The following OR9Q1 variants were observed in gnomAD, a reference collection of about 807,000 sequenced individuals.
OR9Q1 encodes the protein olfactory receptor family 9 subfamily Q member 1, also known as olfactory receptor 9Q1.
For synonymous variants in OR9Q1, 153 were observed against 148.6 expected (o/e 1.03, Z -0.22); for missense variants, 374 against 378.8 (o/e 0.99, Z 0.11).
At chr11:58,098,139 G>A (rs1285253544) in intron 2 of OR9Q1, among the ~76,000 whole-genome samples, 1 of 152,138 alleles carries the variant, frequency 6.6e-6, no homozygotes, top group Admixed American at 6.5e-5. Context: ...GAAGAAATAT[G>A]TATAGAACTG....
chr11:58,176,520 C>T (rs898318426), intron 2 of OR9Q1, among the ~76,000 whole-genome samples: 3 of 152,170 alleles, frequency 2.0e-5, no homozygotes, highest in Non-Finnish European at 4.4e-5. Context: ...AGAGGCTGTT[C>T]CCCAATCTCT....
chr11:58,085,601 T>A (rs1853626774), intron 2 of OR9Q1, among the ~76,000 whole-genome samples: 2 of 151,828 alleles, frequency 1.3e-5, no homozygotes, highest in South Asian at 4.1e-4. Context: ...ATTCTATGCT[T>A]CTATAAATTT....
At chr11:58,054,535 T>C (rs909574065) in intron 1 of OR9Q1, among the ~76,000 whole-genome samples, 2 of 152,258 alleles carry the variant, frequency 1.3e-5, no homozygotes, top group Non-Finnish European at 2.9e-5. Flanking sequence ...ACACATTTTG[T>C]ACATTTCTGT....
intron 2 of OR9Q1, among the ~76,000 whole-genome samples, chr11:58,070,625 A>G (rs1475785120): frequency 6.6e-6 from 1 of 152,230 alleles, no homozygotes; most frequent in Non-Finnish European, 1.5e-5. Flanking sequence ...CTTCAATGGC[A>G]TAAATTCTGT....
At chr11:58,169,127 T>A (rs556151744) in intron 2 of OR9Q1, among the ~76,000 whole-genome samples, 1 of 152,366 alleles carries the variant, frequency 6.6e-6, no homozygotes, top group Non-Finnish European at 1.5e-5. Flanking sequence ...GACATTTTTC[T>A]TTCCTCTGGC....
intron 2 of OR9Q1, among the ~76,000 whole-genome samples, chr11:58,089,912 A>G (rs937902801): frequency 2.6e-5 from 4 of 151,808 alleles, no homozygotes; most frequent in African/African-American, 9.7e-5. Context: ...CTTTGTTGCA[A>G]TTGTGAATGG....
chr11:58,087,353 C>T (rs986945730), intron 2 of OR9Q1, among the ~76,000 whole-genome samples: 2 of 151,570 alleles, frequency 1.3e-5, no homozygotes, highest in African/African-American at 2.4e-5. Flanking sequence ...TGCTTTTTTT[C>T]CTTTATATAC....
Position 58,042,764 on chromosome 11 carries a change from C to T in OR9Q1, c.-92-13106C>T, listed in dbSNP as rs573146770. On this transcript the variant is annotated intron_variant, in intron 1 of 2. Coordinates refer to ENST00000335397, the MANE Select transcript of OR9Q1 (RefSeq NM_001005212.4). Reference sequence around the variant, plus strand: ...TATGGCCATTTTCACGATATTGATTCTTCCTACCCATTAGCATGGAATGTT... The same window carrying T: ...TATGGCCATTTTCACGATATTGATTTTTCCTACCCATTAGCATGGAATGTT... Among the ~76,000 whole-genome samples, 160 of 152,312 alleles carry T rather than the reference C, an allele frequency of 1.1e-3. 2 individuals are homozygous for T. The highest frequency in any genetic ancestry group is 3.3e-3 in the African/African-American group (137 of 41,560).
At position 58,053,629 on chromosome 11, in the gene OR9Q1, A is replaced by ATTATATATATATTATATATATATAAATT. The variant is rs1314383139; in HGVS notation, c.-92-2241_-92-2240insTTATATATATATTATATATATATAAATT. ...AATTAAAAAATATATATATATATAA[A>ATTATATATATATTATATATATATAAATT]ATATATATATATATAAATTATATAT... On this transcript the variant is annotated intron_variant, in intron 1 of 2. Transcript: ENST00000335397. Among the ~76,000 whole-genome samples, 10 of 98,928 alleles carry ATTATATATATATTATATATATATAAATT rather than the reference A, an allele frequency of 1.0e-4. 1 individual carries two copies. The highest frequency in any genetic ancestry group is 2.1e-4 in the Non-Finnish European group (10 of 47,970). 64.9% of individuals were successfully genotyped at this position (98,928 alleles called of 152,430 possible).
intron 2 of OR9Q1, among the ~76,000 whole-genome samples, chr11:58,104,458 A>G (rs1488080043): frequency 6.6e-6 from 1 of 152,128 alleles, no homozygotes; most frequent in Non-Finnish European, 1.5e-5. Flanking sequence ...GTATCCAAAA[A>G]TAAGTGTATT....
At chr11:58,116,556 T>G (rs1254043207) in intron 2 of OR9Q1, among the ~76,000 whole-genome samples, 1 of 152,252 alleles carries the variant, frequency 6.6e-6, no homozygotes, top group Non-Finnish European at 1.5e-5. Context: ...AGTATGCATT[T>G]CCTGATAAAA....
At chr11:58,043,388 C>CTTTGCCTA (rs1212490273) in intron 1 of OR9Q1, among the ~76,000 whole-genome samples, 1 of 152,190 alleles carries the variant, frequency 6.6e-6, no homozygotes, top group Non-Finnish European at 1.5e-5. Context: ...AATCTCCCTC[C>CTTTGCCTA]TTTGTCTATT....
intron 1 of OR9Q1, chr11:58,044,482 G>C (rs1235816299): frequency 1.3e-5 from 2 of 152,198 alleles, no homozygotes; most frequent in Non-Finnish European, 2.9e-5. Context: ...AGAGTGCTGG[G>C]GAGACTGCAG....
intron 2 of OR9Q1, among the ~76,000 whole-genome samples, chr11:58,097,150 T>C (rs75354752): frequency 0.047 from 7,124 of 152,258 alleles, 197 homozygotes; most frequent in African/African-American, 0.074. Flanking sequence ...CCTTGGCTTC[T>C]TTCATTCAAC....
intron 2 of OR9Q1, among the ~76,000 whole-genome samples, chr11:58,120,225 T>C (rs989938260): frequency 3.3e-5 from 5 of 152,160 alleles, no homozygotes; most frequent in Admixed American, 6.5e-5. Flanking sequence ...ACTCGTGGAC[T>C]TGCTACTTTT....
chr11:58,151,969 C>A (rs1395405319), intron 2 of OR9Q1, among the ~76,000 whole-genome samples: 11 of 152,078 alleles, frequency 7.2e-5, no homozygotes, highest in Admixed American at 4.6e-4. Context: ...TATAAGGAAC[C>A]TTGACATAGA....
At chr11:58,099,327 TATAAC>T (rs1239216784) in intron 2 of OR9Q1, among the ~76,000 whole-genome samples, 53 of 148,552 alleles carry the variant, frequency 3.6e-4, no homozygotes, top group East Asian at 2.1e-3. Flanking sequence ...ATATAAAACA[TATAAC>T]ATAATATATA....
At chr11:58,053,694 A>G (rs888306542) in intron 1 of OR9Q1, among the ~76,000 whole-genome samples, 5 of 148,920 alleles carry the variant, frequency 3.4e-5, no homozygotes, top group African/African-American at 9.8e-5. Flanking sequence ...TTTAATTCAC[A>G]GTAAAGCGGA....
At chr11:58,127,567 C>T (rs1366319774) in intron 2 of OR9Q1, among the ~76,000 whole-genome samples, 2 of 152,098 alleles carry the variant, frequency 1.3e-5, no homozygotes, top group Non-Finnish European at 2.9e-5. Flanking sequence ...GGGCTGCCTC[C>T]AAGTGGTGTG....
Sources: gnomAD v4.1 joint callset for allele counts (sites outside exome capture counted in the v4.1 genomes callset) on GRCh38, gnomAD v4.1.1 for gene constraint, MANE v1.5 for transcripts, NCBI Gene and HGNC (gene_info 2026-07-23, HGNC 2026-07-21) for gene names.